Variants in ATF7IP observed in about 807,000 individuals in gnomAD.
ATF7IP encodes activating transcription factor 7-interacting protein 1.
Under a neutral mutation model 106.4 loss-of-function variants are expected in ATF7IP, and 23 were observed. The ratio of observed to expected loss-of-function variants is 0.22; its 90% CI spans 0.16 to 0.31. ATF7IP has a LOEUF of 0.31. Ranked by LOEUF, ATF7IP falls within the 10% of genes least tolerant of loss-of-function variation. The pLI, the probability that ATF7IP is intolerant of heterozygous loss-of-function variation, is 1.00. For missense variants in ATF7IP, 1,334 were observed against 1,524.3 expected, an observed-to-expected ratio of 0.88 and a Z score of 2.08; for synonymous variants, 542 against 539.0, an observed-to-expected ratio of 1.01 and a Z score of -0.08.
chr12:14,451,813 A>G (rs1943213003), intron 6 of ATF7IP, among the ~76,000 whole-genome samples: 1 of 152,156 alleles, frequency 6.6e-6, no homozygotes, highest in Non-Finnish European at 1.5e-5. Flanking sequence ...TGCTCTTGAG[A>G]AGAATGTGTA....
chr12:14,413,137 G>A (rs1301989910), intron 1 of ATF7IP, among the ~76,000 whole-genome samples: 4 of 152,170 alleles, frequency 2.6e-5, no homozygotes, highest in Non-Finnish European at 4.4e-5. Context: ...CTGATCTTAG[G>A]GTGAAAGATT....
intron 6 of ATF7IP, among the ~76,000 whole-genome samples, chr12:14,450,067 A>G (rs1943138251): frequency 6.6e-6 from 1 of 152,118 alleles, no homozygotes; most frequent in Admixed American, 6.5e-5. Context: ...ATATGTTTGA[A>G]CAGTTGTCTT....
chr12:14,384,770 A>G (rs1939140749), intron 1 of ATF7IP, among the ~76,000 whole-genome samples: 1 of 151,936 alleles, frequency 6.6e-6, no homozygotes, highest in Admixed American at 6.6e-5. Flanking sequence ...TTAGCCTTCT[A>G]TAAATTGAAA....
At chr12:14,384,759 T>C (rs1378621916) in intron 1 of ATF7IP, among the ~76,000 whole-genome samples, 2 of 152,076 alleles carry the variant, frequency 1.3e-5, no homozygotes, top group African/African-American at 4.8e-5. Context: ...GGAGAAAATC[T>C]TTAGCCTTCT....
Position 14,433,274 on chromosome 12 carries a change from AG to A in ATF7IP, c.1559-1057del, listed in dbSNP as rs1481588836. On this transcript the variant is annotated intron_variant, in intron 2 of 14. Coordinates refer to ENST00000261168, the MANE Select transcript of ATF7IP (RefSeq NM_018179.5). ...GTAATCTCAGCACTTTGGGAGGCTG[AG>A]GGGGGTGGATCACGAGGTCAAGAGA... is the stretch of plus-strand genomic sequence containing the variant. 1.2e-4 allele frequency among the ~76,000 whole-genome samples: 18 copies of A among 152,210 alleles called. No individual in the cohort carries two copies. The East Asian group carries it at 3.5e-3, about 29-fold the overall frequency.
intron 6 of ATF7IP, among the ~76,000 whole-genome samples, chr12:14,455,567 A>T (rs1313710638): frequency 6.6e-6 from 1 of 151,960 alleles, no homozygotes; most frequent in African/African-American, 2.4e-5. Flanking sequence ...TTGAGTAGAG[A>T]TATTTTATTC....
intron 10 of ATF7IP, 109 bp from the exon 11 acceptor site, chr12:14,475,781 T>A (rs1232692817): frequency 2.7e-6 from 2 of 754,160 alleles, no homozygotes; most frequent in East Asian, 5.6e-5. Context: ...AGGGTCCAGA[T>A]TGAACCAGGT....
At chr12:14,466,346 A>C (rs2136748355) in intron 9 of ATF7IP, 180 bp from the exon 10 acceptor site, 1 of 605,046 alleles carries the variant, frequency 1.7e-6, no homozygotes, top group Non-Finnish European at 2.9e-6. Flanking sequence ...TCTGTATAGT[A>C]ATCTGTATGG....
intron 1 of ATF7IP, 106 bp from the exon 2 acceptor site, chr12:14,423,803 C>T: frequency 8.2e-7 from 1 of 1,216,694 alleles, no homozygotes; most frequent in African/African-American, 1.5e-5. Context: ...TTAAACATTA[C>T]ATGAAATGTG....
At chr12:14,378,752 T>C (rs1166551686) in intron 1 of ATF7IP, among the ~76,000 whole-genome samples, 1 of 152,258 alleles carries the variant, frequency 6.6e-6, no homozygotes, top group African/African-American at 2.4e-5. Flanking sequence ...GATACAGTTA[T>C]GACAGTTGTT....
At chr12:14,479,901 A>T (rs999552132) in intron 12 of ATF7IP, among the ~76,000 whole-genome samples, 1 of 152,118 alleles carries the variant, frequency 6.6e-6, no homozygotes, top group African/African-American at 2.4e-5. Context: ...CTTTACATTT[A>T]TACAAAGTTA....
rs1025902824 is a variant in ATF7IP at position 14,446,279 on chromosome 12, C to G, written c.1930-709C>G. On this transcript the variant is annotated intron_variant, in intron 5 of 14. Transcript: ENST00000261168. ...ACTCCTGCTTCAGCCTCCTGAGTAA[C>G]TGGGATTACAGGCACGTGCCACCAC... Among the ~76,000 whole-genome samples, 16 of 152,140 alleles carry G rather than the reference C, an allele frequency of 1.1e-4. No homozygotes were observed. In the South Asian group the frequency reaches 1.2e-3, roughly 12 times the overall value.
intron 1 of ATF7IP, among the ~76,000 whole-genome samples, chr12:14,388,702 A>T (rs1414176490): frequency 6.6e-6 from 1 of 152,050 alleles, no homozygotes; most frequent in Non-Finnish European, 1.5e-5. Context: ...GCTGGAGTGC[A>T]GTGGCAATCT....
At chr12:14,495,808 A>G (rs1323937168) in intron 13 of ATF7IP, among the ~76,000 whole-genome samples, 1 of 152,174 alleles carries the variant, frequency 6.6e-6, no homozygotes, top group Non-Finnish European at 1.5e-5. Flanking sequence ...TTTGAGTCAC[A>G]CTGCTCCATT....
chr12:14,494,947 A>AAG (rs1311356815), intron 13 of ATF7IP, among the ~76,000 whole-genome samples: 12 of 151,598 alleles, frequency 7.9e-5, no homozygotes, highest in African/African-American at 2.9e-4. Context: ...AAAAAAAAAA[A>AAG]AAAAAAAAGA....
intron 1 of ATF7IP, among the ~76,000 whole-genome samples, chr12:14,374,640 G>C (rs1274229348): frequency 6.6e-6 from 1 of 152,142 alleles, no homozygotes; most frequent in East Asian, 1.9e-4. Flanking sequence ...TTTAAGGAAT[G>C]AATTAGACAG....
intron 9 of ATF7IP, among the ~76,000 whole-genome samples, chr12:14,463,408 T>C (rs1943713020): frequency 6.6e-6 from 1 of 152,184 alleles, no homozygotes; most frequent in South Asian, 2.1e-4. Flanking sequence ...AAGTAATGAA[T>C]GTCTGTATTA....
In ATF7IP at chr12:14,480,992, C is replaced by T. The variant is rs774104490; in HGVS notation, c.3098-11C>T. ...ACTGTATTCTTAATATCTTTTTCTG[C>T]CTTGCATTAGCTCCAACTACCGTGA... On this transcript the variant is annotated splice_polypyrimidine_tract_variant and intron_variant, in intron 12 of 14. Coordinates refer to ENST00000261168, the MANE Select transcript of ATF7IP (RefSeq NM_018179.5). The T allele has an allele frequency of 1.1e-5, 17 of 1,611,780 alleles. No homozygotes were observed. Among genetic ancestry groups the T allele is most frequent in the African/African-American group, 5.3e-5 (4 of 74,832 alleles).
chr12:14,490,599 G>T (rs532892973), intron 13 of ATF7IP, among the ~76,000 whole-genome samples: 3 of 152,260 alleles, frequency 2.0e-5, no homozygotes, highest in East Asian at 3.9e-4. Flanking sequence ...CTGTGTACTT[G>T]CCGGTGGTGC....
Sources: gnomAD v4.1 joint callset for allele counts (sites outside exome capture counted in the v4.1 genomes callset) on GRCh38, gnomAD v4.1.1 for gene constraint, MANE v1.5 for transcripts, NCBI Gene and HGNC (gene_info 2026-07-23, HGNC 2026-07-21) for gene names.